The following GULP1 variants were observed in gnomAD, a reference collection of about 807,000 sequenced individuals.
GULP1 encodes the protein GULP PTB domain containing engulfment adaptor 1, also known as PTB domain-containing engulfment adapter protein 1.
GULP1 carries 19 observed loss-of-function variants against 40.9 expected under a neutral mutation model. The ratio of observed to expected loss-of-function variants is 0.46; its 90% CI spans 0.32 to 0.68. The LOEUF (loss-of-function observed/expected upper bound fraction) is 0.68. Among genes scored for constraint, GULP1 ranks in the 30% least tolerant of loss-of-function variants. The probability of loss-of-function intolerance (pLI) is 0.03; values close to 1 mark genes in which losing one functional copy is unlikely to be tolerated. For missense variants in GULP1, 312 were observed against 362.2 expected, an observed-to-expected ratio of 0.86 and a Z score of 1.12; for synonymous variants, 119 against 117.6, an observed-to-expected ratio of 1.01 and a Z score of -0.08.
At chr2:188,551,335 C>T (rs1693395134) in intron 7 of GULP1, among the ~76,000 whole-genome samples, 2 of 151,680 alleles carry the variant, frequency 1.3e-5, no homozygotes, top group Non-Finnish European at 3.0e-5. Flanking sequence ...CCCATTTATT[C>T]TTCTCAGGCT....
Position 188,429,713 on chromosome 2 carries a change from GT to G in GULP1, c.-45+45835del, listed in dbSNP as rs1285532269. ...CTGGAGGTTTTTGGTTATTTTTGTTGTTTTTTTTTTTAAGAGACGGAGTCTC... is the reference window on the plus strand; with the variant it reads ...CTGGAGGTTTTTGGTTATTTTTGTTGTTTTTTTTTTAAGAGACGGAGTCTC... On this transcript the variant is annotated intron_variant, in intron 2 of 11. Transcript: ENST00000409830. Among the ~76,000 whole-genome samples, 413 of 146,092 alleles carry G rather than the reference GT, an allele frequency of 2.8e-3. 7 individuals carry two copies. The highest frequency in any genetic ancestry group is 3.5e-3 in the Non-Finnish European group (233 of 65,864).
At chr2:188,346,548 AG>A (rs2043678385) in intron 1 of GULP1, among the ~76,000 whole-genome samples, 1 of 150,652 alleles carries the variant, frequency 6.6e-6, no homozygotes, top group Non-Finnish European at 1.5e-5. Flanking sequence ...GCTGGAGTGC[AG>A]TGGTGCGATC....
At chr2:188,394,257 T>G (rs2050921484) in intron 2 of GULP1, among the ~76,000 whole-genome samples, 1 of 152,158 alleles carries the variant, frequency 6.6e-6, no homozygotes, top group Admixed American at 6.5e-5. Context: ...CTGATTGGGT[T>G]AATTCAAAAG....
intron 4 of GULP1, among the ~76,000 whole-genome samples, chr2:188,520,527 TAAA>T (rs754573431): frequency 1.2e-4 from 11 of 92,414 alleles, no homozygotes; most frequent in Admixed American, 2.5e-4. Flanking sequence ...AGACTCCATC[TAAA>T]AAAAAAAAAA....
rs1324407241 is a variant in GULP1, at chr2:188,521,894, G to A, written c.91-862G>A. On this transcript the variant is annotated intron_variant, in intron 4 of 11. Coordinates refer to ENST00000409830, the MANE Select transcript of GULP1 (RefSeq NM_016315.4). ...GATCGAGACCATCCTGGCTAACACG[G>A]TGAAACCCCATCTCTACTAAAAATA... 2.6e-5 allele frequency among the ~76,000 whole-genome samples: 4 copies of A among 152,124 alleles called. No individual in the cohort carries two copies. The South Asian group carries it at 6.2e-4, about 24-fold the overall frequency.
At chr2:188,295,532 CAT>C (rs1262477009) in intron 1 of GULP1, among the ~76,000 whole-genome samples, 2 of 152,092 alleles carry the variant, frequency 1.3e-5, no homozygotes, top group Non-Finnish European at 2.9e-5. Context: ...TTTAGTGTGA[CAT>C]GTCAATTAGT....
intron 1 of GULP1, among the ~76,000 whole-genome samples, chr2:188,313,196 T>C (rs1323639748): frequency 6.6e-6 from 1 of 152,228 alleles, no homozygotes; most frequent in Non-Finnish European, 1.5e-5. Context: ...TCTTTGTCCA[T>C]GCCTGCGTCC....
At chr2:188,331,399 CT>C (rs2041557467) in intron 1 of GULP1, among the ~76,000 whole-genome samples, 1 of 152,132 alleles carries the variant, frequency 6.6e-6, no homozygotes, top group Non-Finnish European at 1.5e-5. Context: ...CAAACCCCTA[CT>C]TTTTGGCCAT....
intron 1 of GULP1, among the ~76,000 whole-genome samples, chr2:188,373,494 G>C (rs565480594): frequency 4.0e-5 from 6 of 151,864 alleles, no homozygotes; most frequent in Non-Finnish European, 7.4e-5. Context: ...ATAAAATAAG[G>C]TTGGATTTAC....
At chr2:188,516,206 G>A (rs1263947862) in intron 4 of GULP1, among the ~76,000 whole-genome samples, 2 of 152,110 alleles carry the variant, frequency 1.3e-5, no homozygotes, top group African/African-American at 2.4e-5. Context: ...CTGGGACATG[G>A]CAGGCAATTT....
At chr2:188,465,454 C>T (rs1471297631) in intron 2 of GULP1, among the ~76,000 whole-genome samples, 1 of 151,984 alleles carries the variant, frequency 6.6e-6, no homozygotes, top group Non-Finnish European at 1.5e-5. Context: ...TTTGCAGCCA[C>T]AAACTATGCA....
At chr2:188,422,828 T>A (rs1024879864) in intron 2 of GULP1, among the ~76,000 whole-genome samples, 18 of 152,146 alleles carry the variant, frequency 1.2e-4, no homozygotes, top group Non-Finnish European at 2.2e-4. Flanking sequence ...TCTTTTTGCT[T>A]ACTTTGTGAC....
At chr2:188,528,864 A>C (rs1686845197) in intron 5 of GULP1, among the ~76,000 whole-genome samples, 1 of 152,176 alleles carries the variant, frequency 6.6e-6, no homozygotes, top group Admixed American at 6.5e-5. Flanking sequence ...CCATGAAAGA[A>C]GTGCATTAAA....
At chr2:188,469,467 C>T (rs931404844) in intron 2 of GULP1, among the ~76,000 whole-genome samples, 6 of 152,256 alleles carry the variant, frequency 3.9e-5, no homozygotes, top group Admixed American at 2.6e-4. Flanking sequence ...AACTGGCTCA[C>T]GGTTCTGCAG....
intron 2 of GULP1, among the ~76,000 whole-genome samples, chr2:188,440,843 A>C (rs2057859564): frequency 1.3e-5 from 2 of 152,182 alleles, no homozygotes; most frequent in African/African-American, 4.8e-5. Context: ...ATAAGATTCC[A>C]CTTGTATATT....
At chr2:188,553,229 T>C (rs945524682) in intron 7 of GULP1, among the ~76,000 whole-genome samples, 1 of 151,852 alleles carries the variant, frequency 6.6e-6, no homozygotes, top group Admixed American at 6.6e-5. Flanking sequence ...TGAATAGGAG[T>C]GATGAAGGTG....
At chr2:188,334,630 C>T (rs2042032359) in intron 1 of GULP1, among the ~76,000 whole-genome samples, 1 of 152,200 alleles carries the variant, frequency 6.6e-6, no homozygotes, top group Admixed American at 6.5e-5. Flanking sequence ...CGCTCAGCAG[C>T]ATTTGTATCA....
At chr2:188,521,573 A>T (rs943272502) in intron 4 of GULP1, among the ~76,000 whole-genome samples, 1 of 152,128 alleles carries the variant, frequency 6.6e-6, no homozygotes, top group Non-Finnish European at 1.5e-5. Context: ...GAGCTTGTGT[A>T]AGGGAATACC....
intron 1 of GULP1, among the ~76,000 whole-genome samples, chr2:188,381,168 A>G (rs1420735763): frequency 1.3e-5 from 2 of 152,128 alleles, no homozygotes; most frequent in East Asian, 1.9e-4. Flanking sequence ...TGCTCTTTCT[A>G]TGAAAAATCT....
Sources: gnomAD v4.1 joint callset for allele counts (sites outside exome capture counted in the v4.1 genomes callset) on GRCh38, gnomAD v4.1.1 for gene constraint, MANE v1.5 for transcripts, NCBI Gene and HGNC (gene_info 2026-07-23, HGNC 2026-07-21) for gene names.